ETFDH: variants seen among roughly 807,000 people sequenced by gnomAD.
ETFDH encodes electron transfer flavoprotein dehydrogenase.
A neutral mutation model predicts 73.2 loss-of-function variants in ETFDH; 61 were observed. The ratio of observed to expected loss-of-function variants is 0.83; its 90% CI spans 0.68 to 1.03. The LOEUF (loss-of-function observed/expected upper bound fraction) is 1.03. Ranked by LOEUF, ETFDH falls within the 50% of genes least tolerant of loss-of-function variation. The probability of loss-of-function intolerance (pLI) is 0.00; values close to 1 mark genes in which losing one functional copy is unlikely to be tolerated. For missense variants in ETFDH, 685 were observed against 745.0 expected (o/e 0.92, Z 0.94); for synonymous variants, 243 against 253.3 (o/e 0.96, Z 0.39).
intron 6 of ETFDH, among the ~76,000 whole-genome samples, chr4:158,692,261 G>A (rs1445418609): frequency 6.6e-6 from 1 of 152,008 alleles, no homozygotes; most frequent in East Asian, 1.9e-4. Context: ...TTAGCCGGGC[G>A]TAGTGGCGCA....
chr4:158,677,681 T>C (rs1380629333), intron 1 of ETFDH, among the ~76,000 whole-genome samples: 2 of 152,238 alleles, frequency 1.3e-5, no homozygotes, highest in African/African-American at 4.8e-5. Context: ...TGGTATCTTA[T>C]TGCTACAAAG....
chr4:158,694,199 TG>T (rs1268464577), intron 6 of ETFDH, among the ~76,000 whole-genome samples: 16 of 152,340 alleles, frequency 1.1e-4, no homozygotes, highest in Admixed American at 7.2e-4. Context: ...GTATTCCCAA[TG>T]CCTAGCACAG....
chr4:158,684,115 C>T (rs1390272917), intron 3 of ETFDH, among the ~76,000 whole-genome samples: 1 of 152,070 alleles, frequency 6.6e-6, no homozygotes, highest in East Asian at 1.9e-4. Context: ...TTAAAAGATT[C>T]CCAGCTGGCC....
intron 9 of ETFDH, among the ~76,000 whole-genome samples, chr4:158,702,678 G>GTA (rs1023135586): frequency 1.3e-5 from 2 of 152,126 alleles, no homozygotes; most frequent in Non-Finnish European, 2.9e-5. Context: ...ATTCCATTGT[G>GTA]TATATATATA....
In ETFDH at chr4:158,709,590, C is replaced by A; in HGVS notation, c.*1063C>A. 1.7e-6 allele frequency: 1 copy of A among 580,168 alleles called. No homozygotes were observed. The highest frequency in any genetic ancestry group is 3.0e-5 in the East Asian group (1 of 33,568). The allele number at this position is 580,168 out of a possible 1,614,324, so 35.9% of individuals were successfully genotyped here. On this transcript the variant is annotated 3_prime_UTR_variant, in exon 13 of 13. Coordinates refer to ENST00000511912, the MANE Select transcript of ETFDH (RefSeq NM_004453.4). ...TTGTGACATGTTTATTAAGCATGAA[C>A]CCCTATCAGTACTCCTAAACTGTAA...
chr4:158,704,706 A>C (rs914115791), intron 10 of ETFDH, among the ~76,000 whole-genome samples: 5 of 152,228 alleles, frequency 3.3e-5, no homozygotes, highest in African/African-American at 1.2e-4. Flanking sequence ...GGCACACGGT[A>C]GCGACTCCAT....
intron 5 of ETFDH, among the ~76,000 whole-genome samples, chr4:158,690,013 C>A (rs141832742): frequency 6.6e-6 from 1 of 152,192 alleles, no homozygotes; most frequent in East Asian, 1.9e-4. Context: ...TTACAGGCCT[C>A]CATTTCAGAT....
chr4:158,687,602 A>T (rs1774038943), intron 5 of ETFDH, among the ~76,000 whole-genome samples: 1 of 152,232 alleles, frequency 6.6e-6, no homozygotes. Flanking sequence ...ACCCAGAATG[A>T]ATAAACCACT....
intron 12 of ETFDH, 62 bp from the exon 13 acceptor site, chr4:158,708,302 C>A (rs1191060383): frequency 7.8e-7 from 1 of 1,289,816 alleles, no homozygotes; most frequent in Admixed American, 1.8e-5. Flanking sequence ...TTAATTTTTA[C>A]TTTTGAATTT....
At chr4:158,690,456 A>C (rs547784932) in intron 6 of ETFDH, 31 bp downstream of exon 6, 2 of 1,216,622 alleles carry the variant, frequency 1.6e-6, no homozygotes, top group East Asian at 2.3e-5. Context: ...CGTGCTTAAT[A>C]AAGCGACAAA....
chr4:158,701,618 T>C (rs1190495556), intron 9 of ETFDH, among the ~76,000 whole-genome samples: 1 of 152,216 alleles, frequency 6.6e-6, no homozygotes, highest in East Asian at 1.9e-4. Flanking sequence ...TCACCATGTC[T>C]CTTTTGCAGT....
intron 7 of ETFDH, among the ~76,000 whole-genome samples, chr4:158,696,669 T>G (rs967569439): frequency 1.8e-4 from 28 of 152,206 alleles, no homozygotes; most frequent in African/African-American, 6.3e-4. Flanking sequence ...CTGACTTAGA[T>G]AAAATTTCAG....
chr4:158,708,876 A>G lies in ETFDH; in HGVS notation c.*349A>G. The G allele has an allele frequency of 3.8e-6, 1 of 259,980 alleles. No homozygotes were observed. Among genetic ancestry groups the G allele is most frequent in the Non-Finnish European group, 7.5e-6 (1 of 133,296 alleles). The allele number at this position is 259,980 out of a possible 1,614,324, so 16.1% of individuals were successfully genotyped here. ...ACTAAAGTTTTATTGAAACACAGCC[A>G]TACCCATTGGTTACACATTGTCTAT... On this transcript the variant is annotated 3_prime_UTR_variant, in exon 13 of 13. Transcript: ENST00000511912.
chr4:158,680,598 A>G lies in ETFDH; in HGVS notation c.166A>G (p.Arg56Gly). The change falls in exon 2 of 13, where the codon AGA (arginine) becomes GGA (glycine). Residue 56 changes from arginine (R) to glycine (G), a missense_variant. This residue lies in a region of ETFDH where 405 missense variants were observed against 399.3 expected (regional missense o/e 1.01). Transcript: ENST00000511912. Reference protein sequence around the residue: ...YTIYPRDKDKRWEGVNMERFA... With the variant: ...YTIYPRDKDKGWEGVNMERFA... ...TATTTATCCCCGGGATAAGGACAAG[A>G]GATGGGAAGGTAAGTAATAATTTGT... 1.2e-6 allele frequency: 2 copies of G among 1,610,952 alleles called. No individual in the cohort carries two copies. The highest frequency in any genetic ancestry group is 2.2e-5 in the South Asian group (2 of 91,014).
intron 6 of ETFDH, among the ~76,000 whole-genome samples, chr4:158,694,178 A>G (rs1366389291): frequency 6.6e-6 from 1 of 152,078 alleles, no homozygotes; most frequent in Non-Finnish European, 1.5e-5. Flanking sequence ...TATTTTTTTC[A>G]ATTCATCCAT....
Position 158,672,382 on chromosome 4 carries a change from A to G in ETFDH, c.-75A>G, listed in dbSNP as rs1001221143. The G allele has an allele frequency of 2.0e-6, 3 of 1,523,522 alleles. No homozygotes were observed. The African/African-American group carries it at 4.1e-5, about 21-fold the overall frequency. 94.4% of individuals were successfully genotyped at this position (1,523,522 alleles called of 1,614,324 possible). On this transcript the variant is annotated 5_prime_UTR_variant, in exon 1 of 13. An upstream open reading frame in the 5' UTR loses its in-frame stop. Coordinates refer to ENST00000511912, the MANE Select transcript of ETFDH (RefSeq NM_004453.4). ...CAGGTGATGGCGCCCCCCGCGGCCT[A>G]GAGGTCCAGCGCCCGCCGCGAGCAG...
intron 8 of ETFDH, 39 bp from the exon 9 acceptor site, chr4:158,698,948 A>G: frequency 7.2e-7 from 1 of 1,390,052 alleles, no homozygotes; most frequent in Non-Finnish European, 1.0e-6. Flanking sequence ...TTAATTTGAA[A>G]TAAAAATGTC....
At chr4:158,694,868 A>G (rs1175986642) in intron 6 of ETFDH, among the ~76,000 whole-genome samples, 1 of 152,200 alleles carries the variant, frequency 6.6e-6, no homozygotes, top group Non-Finnish European at 1.5e-5. Context: ...TTGTACGTGT[A>G]TACAGGTGTC....
chr4:158,692,876 T>TA (rs201333277), intron 6 of ETFDH, among the ~76,000 whole-genome samples: 195 of 105,098 alleles, frequency 1.9e-3, no homozygotes, highest in African/African-American at 6.2e-3. Flanking sequence ...AAAAAAAGAT[T>TA]AAAAAAAAAA....
Sources: gnomAD v4.1 joint callset for allele counts (sites outside exome capture counted in the v4.1 genomes callset) on GRCh38, gnomAD v4.1.1 for gene constraint, gnomAD v4.1.1 regional missense constraint, MANE v1.5 for transcripts, NCBI Gene and HGNC (gene_info 2026-07-23, HGNC 2026-07-21) for gene names.